PRKN: variants seen among roughly 807,000 people sequenced by gnomAD.
PRKN encodes parkin RBR E3 ubiquitin protein ligase.
Under a neutral mutation model 59.5 loss-of-function variants are expected in PRKN, and 56 were observed. The observed-to-expected ratio is 0.94, with a 90% CI of 0.76 to 1.18. The LOEUF (loss-of-function observed/expected upper bound fraction) is 1.18, where lower values mean the gene tolerates loss of function less well. Ranked by LOEUF, PRKN falls within the 50% of genes most tolerant of loss-of-function variation. The probability of loss-of-function intolerance (pLI) is 0.00; values close to 1 mark genes in which losing one functional copy is unlikely to be tolerated. For missense variants in PRKN, 657 were observed against 596.4 expected (o/e 1.10, Z -1.06); for synonymous variants, 250 against 222.1 (o/e 1.13, Z -1.12).
chr6:161,868,116 T>A (rs964248183), intron 6 of PRKN, among the ~76,000 whole-genome samples: 5 of 152,050 alleles, frequency 3.3e-5, no homozygotes, highest in African/African-American at 1.2e-4. Flanking sequence ...TGGAAATGGA[T>A]TATAATGTTT....
At chr6:161,609,082 G>A (rs1782393052) in intron 7 of PRKN, among the ~76,000 whole-genome samples, 1 of 152,136 alleles carries the variant, frequency 6.6e-6, no homozygotes, top group African/African-American at 2.4e-5. Context: ...CTTGTTGAGA[G>A]CATGGTATTT....
At chr6:162,482,440 C>T (rs577399131) in intron 1 of PRKN, among the ~76,000 whole-genome samples, 4 of 152,210 alleles carry the variant, frequency 2.6e-5, no homozygotes, top group East Asian at 1.9e-4. Context: ...CCTATTCTGA[C>T]GAGTTATGTA....
intron 9 of PRKN, among the ~76,000 whole-genome samples, chr6:161,536,896 G>A (rs1244567454): frequency 6.6e-6 from 1 of 152,128 alleles, no homozygotes; most frequent in South Asian, 2.1e-4. Context: ...TTTTGAGATC[G>A]AAAACCTCTG....
intron 6 of PRKN, among the ~76,000 whole-genome samples, chr6:161,890,186 TCTTA>T (rs573242769): frequency 4.6e-4 from 70 of 152,348 alleles, no homozygotes; most frequent in Non-Finnish European, 2.4e-4. Flanking sequence ...GAGAATGTTA[TCTTA>T]CTTCCTAGCT....
At chr6:161,753,070 T>C (rs1051058343) in intron 7 of PRKN, among the ~76,000 whole-genome samples, 32 of 152,188 alleles carry the variant, frequency 2.1e-4, no homozygotes, top group African/African-American at 7.5e-4. Context: ...GAGATGCCTT[T>C]GAGAATCCAA....
At chr6:162,422,781 C>T (rs1336952332) in intron 2 of PRKN, among the ~76,000 whole-genome samples, 1 of 151,754 alleles carries the variant, frequency 6.6e-6, no homozygotes, top group Non-Finnish European at 1.5e-5. Context: ...CCTGTCTCTA[C>T]TAAAATACAA....
intron 4 of PRKN, among the ~76,000 whole-genome samples, chr6:162,066,476 T>G (rs1016686652): frequency 2.0e-5 from 3 of 152,172 alleles, no homozygotes; most frequent in Non-Finnish European, 2.9e-5. Flanking sequence ...GAGTTCCTAA[T>G]GCAACAGTGT....
chr6:162,133,627 G>T (rs764561985), intron 4 of PRKN, among the ~76,000 whole-genome samples: 6 of 152,090 alleles, frequency 3.9e-5, no homozygotes, highest in Non-Finnish European at 5.9e-5. Flanking sequence ...CCATGGGCAC[G>T]AATGACAATA....
chr6:162,202,774 A>C (rs1784784798), intron 3 of PRKN, among the ~76,000 whole-genome samples: 1 of 152,230 alleles, frequency 6.6e-6, no homozygotes, highest in African/African-American at 2.4e-5. Context: ...ATGTTAATGG[A>C]AATATTTGTA....
chr6:162,324,240 T>C (rs1783167226), intron 2 of PRKN, among the ~76,000 whole-genome samples: 1 of 152,102 alleles, frequency 6.6e-6, no homozygotes, highest in Non-Finnish European at 1.5e-5. Context: ...CAAACTAATC[T>C]AGAGTGGCAG....
chr6:161,946,999 A>G (rs1351148305), intron 6 of PRKN, among the ~76,000 whole-genome samples: 1 of 152,186 alleles, frequency 6.6e-6, no homozygotes, highest in East Asian at 1.9e-4. Flanking sequence ...TCTAAGAGTA[A>G]TATTCTATGT....
intron 4 of PRKN, among the ~76,000 whole-genome samples, chr6:162,162,733 G>A (rs1562551485): frequency 6.6e-6 from 1 of 152,064 alleles, no homozygotes. Flanking sequence ...TTTCTGGCCG[G>A]GTGCGGTGGC....
At position 161,588,209 on chromosome 6, in the gene PRKN, C is replaced by A. The variant is rs1243738084; in HGVS notation, c.872-18793G>T. 6.6e-6 allele frequency among the ~76,000 whole-genome samples: 1 copy of A among 151,944 alleles called. No individual in the cohort carries two copies. Among genetic ancestry groups the A allele is most frequent in the African/African-American group, 2.4e-5 (1 of 41,390 alleles). On this transcript the variant is annotated intron_variant, in intron 7 of 11. Transcript: ENST00000366898. The surrounding 1 kb of genome is among the most constrained non-coding windows in gnomAD (Gnocchi z 5.0). ...GACCAGCCTGGCTAACATGGCAAAACCCCGTCTCTACTAAAAATGCAAAAA... is the reference window on the plus strand; with the variant it reads ...GACCAGCCTGGCTAACATGGCAAAAACCCGTCTCTACTAAAAATGCAAAAA...
chr6:162,239,362 T>C (rs571362289), intron 3 of PRKN, among the ~76,000 whole-genome samples: 18 of 152,308 alleles, frequency 1.2e-4, no homozygotes, highest in African/African-American at 4.3e-4. Context: ...CAAACCTCTT[T>C]AACTATTTTG....
chr6:161,592,207 G>C lies in PRKN; in HGVS notation c.872-22791C>G, dbSNP rs1562546624. On this transcript the variant is annotated intron_variant, in intron 7 of 11. Transcript: ENST00000366898. This position sits in a 1 kb window ranked among gnomAD's most constrained non-coding sequence, Gnocchi z 4.8. ...CTATCTGCAGTTGGGTGACTCCTCA[G>C]TTGTGGAACCCATAGATACAGGGGG... is the stretch of plus-strand genomic sequence containing the variant. Among the ~76,000 whole-genome samples the C allele has an allele frequency of 6.6e-6, 1 of 152,108 alleles. No individual in the cohort carries two copies. Among genetic ancestry groups the C allele is most frequent in the Non-Finnish European group, 1.5e-5 (1 of 68,030 alleles).
At chr6:161,729,291 T>A (rs1787576714) in intron 7 of PRKN, among the ~76,000 whole-genome samples, 1 of 152,150 alleles carries the variant, frequency 6.6e-6, no homozygotes. Flanking sequence ...AAGCTTTACA[T>A]AAAACCCAAG....
intron 9 of PRKN, among the ~76,000 whole-genome samples, chr6:161,441,646 TAAAAAA>T (rs549048343): frequency 4.1e-5 from 4 of 97,536 alleles, no homozygotes; most frequent in African/African-American, 1.2e-4. Flanking sequence ...CTCTGTCTCT[TAAAAAA>T]AAAAAAAAAA....
At position 162,166,049 on chromosome 6, in the gene PRKN, A is replaced by C. The variant is rs1248979849; in HGVS notation, c.534+35082T>G. The stretch of plus-strand genomic sequence containing the variant: ...GGCAACAGAGCGAGACTCTATCTCA[A>C]AAAAAAAAAAAAAAAAAAAAAAGAG... On this transcript the variant is annotated intron_variant, in intron 4 of 11. Transcript: ENST00000366898. 5.1e-4 allele frequency among the ~76,000 whole-genome samples: 5 copies of C among 9,846 alleles called. No individual in the cohort carries two copies. The Admixed American group carries it at 6.0e-3, about 12-fold the overall frequency. 6.5% of individuals were successfully genotyped at this position (9,846 alleles called of 152,430 possible).
At chr6:161,845,056 CA>C (rs1793144404) in intron 6 of PRKN, among the ~76,000 whole-genome samples, 1 of 152,188 alleles carries the variant, frequency 6.6e-6, no homozygotes, top group African/African-American at 2.4e-5. Flanking sequence ...ACAGCTTGGC[CA>C]AGACCATAAG....
Sources: allele counts gnomAD v4.1 joint callset (sites outside exome capture counted in the v4.1 genomes callset), GRCh38; gene constraint gnomAD v4.1.1; non-coding constraint Gnocchi (gnomAD v3.1); transcripts MANE v1.5; gene names NCBI Gene and HGNC (gene_info 2026-07-23, HGNC 2026-07-21).